The following NWD1 variants were observed in gnomAD, a reference collection of about 807,000 sequenced individuals.
NWD1 encodes NACHT and WD repeat domain containing 1, also known as NACHT domain- and WD repeat-containing protein 1.
In NWD1, 129 loss-of-function variants were observed where a neutral mutation model predicts 135.1. The ratio of observed to expected loss-of-function variants is 0.96; its 90% CI spans 0.83 to 1.11. The LOEUF is 1.11. Among genes scored for constraint, NWD1 ranks in the 50% least tolerant of loss-of-function variants. The pLI is 0.00. For missense variants in NWD1, 1,740 were observed against 1,851.3 expected, an observed-to-expected ratio of 0.94 and a Z score of 1.10; for synonymous variants, 773 against 786.0, an observed-to-expected ratio of 0.98 and a Z score of 0.28.
chr19:16,749,543 C>T lies in NWD1; in HGVS notation c.901C>T (p.His301Tyr). ...LAWLYQEIRH[H>Y]LWQSSEVIQT... Reference sequence around the variant, plus strand: ...GTGGCTCTACCAAGAGATCCGCCACCACCTTTGGCAGAGCTCGGAGGTCAT... The same window carrying T: ...GTGGCTCTACCAAGAGATCCGCCACTACCTTTGGCAGAGCTCGGAGGTCAT... Residue 301 changes from histidine to tyrosine, a missense_variant, in exon 6 of 19, where the codon CAC (histidine) becomes TAC (tyrosine). Transcript: ENST00000524140. The T allele has an allele frequency of 6.2e-7, 1 of 1,612,880 alleles. No homozygotes were observed. The highest frequency in any genetic ancestry group is 8.5e-7 in the Non-Finnish European group (1 of 1,178,970).
At chr19:16,738,738 AATATATATATT>A in intron 4 of NWD1, among the ~76,000 whole-genome samples, 2 of 141,444 alleles carry the variant, frequency 1.4e-5, no homozygotes, top group South Asian at 4.2e-4. Flanking sequence ...ATCTATATAT[AATATATATATT>A]ATATATATAT....
chr19:16,739,358 A>G (rs764711190), intron 4 of NWD1, among the ~76,000 whole-genome samples: 1 of 137,432 alleles, frequency 7.3e-6, no homozygotes, highest in African/African-American at 2.8e-5. Context: ...AAAAAAAATT[A>G]TTTTTTTAAG....
chr19:16,751,224 C>CAA (rs11307357), intron 6 of NWD1, among the ~76,000 whole-genome samples: 3 of 114,348 alleles, frequency 2.6e-5, no homozygotes, highest in South Asian at 2.7e-4. Context: ...AACTCGATCT[C>CAA]AAAAAAAAAA....
At chr19:16,803,193 C>G (rs147869133) in intron 17 of NWD1, among the ~76,000 whole-genome samples, 51 of 152,270 alleles carry the variant, frequency 3.3e-4, no homozygotes, top group African/African-American at 1.2e-3. Flanking sequence ...GAGACTGCCT[C>G]CATGATTCAA....
In NWD1 at chr19:16,776,425, G is replaced by A. The variant is rs564896120; in HGVS notation, c.2609-2918G>A. ...TCTACTAAAAATACAAAAATTAGCC[G>A]GGCGTTGTAGCGGACACCTGTAATC... On this transcript the variant is annotated intron_variant, in intron 11 of 18. Coordinates refer to ENST00000524140, the MANE Select transcript of NWD1 (RefSeq NM_001007525.5). 8.9e-4 allele frequency among the ~76,000 whole-genome samples: 135 copies of A among 151,788 alleles called. 1 individual carries two copies. The highest frequency in any genetic ancestry group is 3.1e-3 in the African/African-American group (127 of 41,422).
chr19:16,759,785 G>A (rs749857588), intron 7 of NWD1, among the ~76,000 whole-genome samples: 26 of 151,940 alleles, frequency 1.7e-4, no homozygotes, highest in Non-Finnish European at 2.5e-4. Flanking sequence ...CCTGAGGTCA[G>A]GAGTTTGAGA....
intron 2 of NWD1, among the ~76,000 whole-genome samples, chr19:16,726,161 C>T (rs1967320794): frequency 6.6e-6 from 1 of 152,026 alleles, no homozygotes; most frequent in African/African-American, 2.4e-5. Flanking sequence ...AGGGTTTCTC[C>T]ACATTGGTCA....
chr19:16,724,944 TC>T (rs1967268104), intron 2 of NWD1, among the ~76,000 whole-genome samples: 1 of 152,082 alleles, frequency 6.6e-6, no homozygotes, highest in African/African-American at 2.4e-5. Context: ...TCCACCCACC[TC>T]GACCTCCCAA....
At chr19:16,748,823 C>T (rs1568348262) in intron 5 of NWD1, among the ~76,000 whole-genome samples, 1 of 149,022 alleles carries the variant, frequency 6.7e-6, no homozygotes, top group Non-Finnish European at 1.5e-5. Flanking sequence ...GACCCTGTCT[C>T]AATAATAATA....
intron 14 of NWD1, among the ~76,000 whole-genome samples, chr19:16,793,539 T>C (rs1970319209): frequency 6.6e-6 from 1 of 150,740 alleles, no homozygotes; most frequent in African/African-American, 2.4e-5. Context: ...ATTTGTTTTT[T>C]ACCTTTTTTT....
At chr19:16,776,547 G>A (rs1365250702) in intron 11 of NWD1, among the ~76,000 whole-genome samples, 90 of 146,356 alleles carry the variant, frequency 6.1e-4, no homozygotes, top group African/African-American at 2.1e-3. Flanking sequence ...CAGCCTGGGC[G>A]AAAGAGTAAA....
chr19:16,745,909 C>G (rs112951204), intron 5 of NWD1, among the ~76,000 whole-genome samples: 2 of 151,956 alleles, frequency 1.3e-5, no homozygotes, highest in South Asian at 2.1e-4. Flanking sequence ...AGAGTGAGAC[C>G]CTGTCTCTAA....
chr19:16,759,698 G>A (rs551038278), intron 7 of NWD1, among the ~76,000 whole-genome samples: 5 of 152,234 alleles, frequency 3.3e-5, no homozygotes, highest in South Asian at 2.1e-4. Context: ...GCAACGTAGC[G>A]AGGCCCCATC....
chr19:16,788,875 C>A, intron 12 of NWD1, 107 bp from the exon 13 acceptor site: 1 of 772,424 alleles, frequency 1.3e-6, no homozygotes, highest in Non-Finnish European at 2.3e-6. Flanking sequence ...TTCCATCCAT[C>A]TTTTCTTTGG....
chr19:16,780,561 A>G (rs1969820484), intron 12 of NWD1, among the ~76,000 whole-genome samples: 1 of 152,214 alleles, frequency 6.6e-6, no homozygotes, highest in African/African-American at 2.4e-5. Context: ...AAAGGAATTC[A>G]CAAGAGCAGT....
rs562546617 is a variant in NWD1 at position 16,749,979 on chromosome 19, G to A, written c.1337G>A (p.Arg446His). Residue 446 changes from arginine to histidine, a missense_variant, in exon 6 of 19, where the codon CGC (arginine) becomes CAC (histidine). Physicochemically the swap from Arg to His is conservative, Grantham distance 29. Transcript: ENST00000524140. ...LDAMDDLDSVRHARRVPWLPL... is the reference protein window; with the variant it reads ...LDAMDDLDSVHHARRVPWLPL... ...GCTATGGATGACCTGGACTCTGTCC[G>A]CCATGCTCGGAGGGTTCCCTGGCTG... 1.2e-5 allele frequency: 20 copies of A among 1,613,828 alleles called. No individual in the cohort carries two copies. The South Asian group carries it at 1.4e-4, about 12-fold the overall frequency.
At chr19:16,786,424 C>T (rs1312889070) in intron 12 of NWD1, among the ~76,000 whole-genome samples, 2 of 152,092 alleles carry the variant, frequency 1.3e-5, no homozygotes, top group African/African-American at 4.8e-5. Flanking sequence ...ATTTGGGGTA[C>T]GAATGATCCC....
intron 3 of NWD1, among the ~76,000 whole-genome samples, chr19:16,731,862 G>A (rs534052143): frequency 5.3e-5 from 8 of 152,070 alleles, no homozygotes; most frequent in Admixed American, 6.6e-5. Flanking sequence ...ACCGAGCCCC[G>A]TAGATTCTGT....
intron 17 of NWD1, among the ~76,000 whole-genome samples, chr19:16,805,993 C>G (rs569374306): frequency 6.6e-6 from 1 of 152,038 alleles, no homozygotes; most frequent in South Asian, 2.1e-4. Context: ...CTCAGCCTCC[C>G]TTCCAAGTAG....
Sources: allele counts gnomAD v4.1 joint callset (sites outside exome capture counted in the v4.1 genomes callset), GRCh38; gene constraint gnomAD v4.1.1; transcripts MANE v1.5; gene names NCBI Gene and HGNC (gene_info 2026-07-23, HGNC 2026-07-21).